The following ATP11C variants were observed in gnomAD, a reference collection of about 807,000 sequenced individuals.
ATP11C encodes phospholipid-transporting ATPase IG.
In ATP11C, 36 loss-of-function variants were observed where a neutral mutation model predicts 97.4. That is an observed-to-expected ratio of 0.37 (90% CI 0.28 to 0.49). The LOEUF (loss-of-function observed/expected upper bound fraction) is 0.49, where lower values mean the gene tolerates loss of function less well. ATP11C is among the 20% of genes least tolerant of loss of function. The pLI, the probability that ATP11C is intolerant of heterozygous loss-of-function variation, is 0.98. For synonymous variants in ATP11C, 275 were observed against 290.9 expected, an observed-to-expected ratio of 0.95 and a Z score of 0.56; for missense variants, 730 against 824.6, an observed-to-expected ratio of 0.89 and a Z score of 1.40.
At chrX:139,875,898 C>T (rs957671702) in intron 1 of ATP11C, among the ~76,000 whole-genome samples, 1 of 111,968 alleles carries the variant, frequency 8.9e-6, no homozygotes, top group Admixed American at 9.5e-5. Flanking sequence ...AGGAGAACAA[C>T]GTTAGGAAGT....
intron 5 of ATP11C, among the ~76,000 whole-genome samples, chrX:139,812,325 C>G (rs1256405086): frequency 9.0e-6 from 1 of 111,475 alleles, no homozygotes; most frequent in Non-Finnish European, 1.9e-5. Context: ...TGGTTGAGTT[C>G]AGCCTCAAGG....
intron 1 of ATP11C, among the ~76,000 whole-genome samples, chrX:139,878,433 A>G (rs1428201622): frequency 2.7e-5 from 3 of 112,323 alleles, no homozygotes; most frequent in Non-Finnish European, 3.7e-5. Context: ...AATAAAATTA[A>G]TATGTTTTTA....
At chrX:139,825,224 C>A (rs1016452175) in intron 2 of ATP11C, among the ~76,000 whole-genome samples, 1 of 111,475 alleles carries the variant, frequency 9.0e-6, no homozygotes, top group African/African-American at 3.3e-5. Flanking sequence ...CCAAACAGCA[C>A]GATGATGTAA....
intron 28 of ATP11C, among the ~76,000 whole-genome samples, chrX:139,734,303 T>C (rs1177492640): frequency 6.6e-5 from 2 of 30,386 alleles, no homozygotes; most frequent in Non-Finnish European, 8.3e-4. Flanking sequence ...TTCCCTTCCC[T>C]GTCTACCACT....
chrX:139,850,113 G>A (rs749801189), intron 1 of ATP11C, among the ~76,000 whole-genome samples: 11 of 111,955 alleles, frequency 9.8e-5, no homozygotes, highest in African/African-American at 2.3e-4. Flanking sequence ...AAGTGGTACC[G>A]AGAGTAGGAT....
At chrX:139,929,716 A>C (rs2085404055) in intron 1 of ATP11C, among the ~76,000 whole-genome samples, 1 of 111,615 alleles carries the variant, frequency 9.0e-6, no homozygotes, top group Admixed American at 9.6e-5. Flanking sequence ...TCATAAGACA[A>C]CTCACAACCT....
At chrX:139,912,190 A>C (rs1408002609) in intron 1 of ATP11C, among the ~76,000 whole-genome samples, 1 of 108,989 alleles carries the variant, frequency 9.2e-6, no homozygotes, top group Non-Finnish European at 1.9e-5. Flanking sequence ...AAAAAAAAAA[A>C]AAAAACTTAG....
intron 1 of ATP11C, among the ~76,000 whole-genome samples, chrX:139,885,064 T>C (rs1386920632): frequency 9.0e-6 from 1 of 110,925 alleles, no homozygotes; most frequent in African/African-American, 3.3e-5. Context: ...AAAGCCCAGA[T>C]TTTAGATGGC....
At chrX:139,916,227 T>TC (rs2085154403) in intron 1 of ATP11C, among the ~76,000 whole-genome samples, 1 of 27,282 alleles carries the variant, frequency 3.7e-5, no homozygotes, top group East Asian at 1.1e-3. Context: ...AGACTCTGTC[T>TC]TAAAAAAAAA....
chrX:139,924,500 TAGTA>T (rs1415660567), intron 1 of ATP11C, among the ~76,000 whole-genome samples: 1 of 111,681 alleles, frequency 9.0e-6, no homozygotes, highest in Non-Finnish European at 1.9e-5. Flanking sequence ...CTGCTATTCT[TAGTA>T]AGGCCTGTTT....
intron 1 of ATP11C, among the ~76,000 whole-genome samples, chrX:139,869,610 CCT>C (rs1158493556): frequency 2.2e-5 from 2 of 91,365 alleles, no homozygotes; most frequent in Non-Finnish European, 4.2e-5. Flanking sequence ...GGCAAAACCC[CCT>C]CTCTACTAAA....
At chrX:139,917,516 A>G (rs1176199491) in intron 1 of ATP11C, among the ~76,000 whole-genome samples, 1 of 112,041 alleles carries the variant, frequency 8.9e-6, no homozygotes, top group Non-Finnish European at 1.9e-5. Flanking sequence ...CCCCCCCGCA[A>G]CCAAAATGGG....
chrX:139,741,192 A>C, intron 26 of ATP11C, 98 bp from the exon 27 acceptor site: 1 of 534,125 alleles, frequency 1.9e-6, no homozygotes, highest in Non-Finnish European at 3.2e-6. Context: ...ATACCTATGA[A>C]AGGATCTAGC....
intron 18 of ATP11C, 27 bp downstream of exon 18, chrX:139,782,520 A>G: frequency 9.0e-7 from 1 of 1,114,585 alleles, no homozygotes; most frequent in Non-Finnish European, 1.2e-6. Flanking sequence ...GGTCATTAAA[A>G]TAATAAGAGT....
At chrX:139,854,569 G>A (rs994943777) in intron 1 of ATP11C, among the ~76,000 whole-genome samples, 1 of 111,250 alleles carries the variant, frequency 9.0e-6, no homozygotes, top group East Asian at 2.8e-4. Context: ...GAAAGTTGAG[G>A]CATGTCGAAG....
At chrX:139,822,403 G>T (rs757548156) in intron 2 of ATP11C, among the ~76,000 whole-genome samples, 66 of 102,358 alleles carry the variant, frequency 6.4e-4, no homozygotes, top group African/African-American at 1.3e-3. Flanking sequence ...GGTTTTTTTT[G>T]TTTGTTTGTT....
chrX:139,745,049 AAGG>A (rs2081650540), intron 25 of ATP11C, among the ~76,000 whole-genome samples: 1 of 111,717 alleles, frequency 9.0e-6, no homozygotes, highest in South Asian at 3.8e-4. Context: ...AGAAATAGCA[AAGG>A]AGAACTTAGT....
At chrX:139,818,665 C>T (rs2147852113) in intron 3 of ATP11C, among the ~76,000 whole-genome samples, 1 of 112,159 alleles carries the variant, frequency 8.9e-6, no homozygotes, top group East Asian at 2.8e-4. Context: ...AAGCACTTAA[C>T]ATCAACAGGG....
At chrX:139,741,353 T>C (rs1305751102) in intron 26 of ATP11C, among the ~76,000 whole-genome samples, 1 of 110,087 alleles carries the variant, frequency 9.1e-6, no homozygotes, top group Non-Finnish European at 1.9e-5. Context: ...GGTGTAGGGC[T>C]GCAGATATCT....
Sources: allele counts gnomAD v4.1 joint callset (sites outside exome capture counted in the v4.1 genomes callset), GRCh38; gene constraint gnomAD v4.1.1; transcripts MANE v1.5; gene names NCBI Gene and HGNC (gene_info 2026-07-23, HGNC 2026-07-21).